The following FMNL2 variants were observed in gnomAD, a reference collection of about 807,000 sequenced individuals.
FMNL2 encodes formin like 2.
Under a neutral mutation model 130.2 loss-of-function variants are expected in FMNL2, and 51 were observed. The observed-to-expected ratio is 0.39, with a 90% CI of 0.31 to 0.49. FMNL2 has a LOEUF of 0.49. FMNL2 is among the 20% of genes least tolerant of loss of function. The probability of loss-of-function intolerance (pLI) is 0.85; values close to 1 mark genes in which losing one functional copy is unlikely to be tolerated. For missense variants in FMNL2, 977 were observed against 1,316.2 expected, an observed-to-expected ratio of 0.74 and a Z score of 3.99; for synonymous variants, 465 against 467.1, an observed-to-expected ratio of 1.00 and a Z score of 0.06.
At chr2:152,625,217 G>A (rs900172895) in intron 15 of FMNL2, 39 of 451,140 alleles carry the variant, frequency 8.6e-5, no homozygotes, top group East Asian at 1.2e-4. Flanking sequence ...CCCTTAAGAC[G>A]TCTTTTAATA....
intron 1 of FMNL2, among the ~76,000 whole-genome samples, chr2:152,443,311 C>A (rs1187899446): frequency 1.3e-5 from 2 of 152,034 alleles, no homozygotes; most frequent in Non-Finnish European, 1.5e-5. Context: ...GCCTTCACTT[C>A]AGTGGGGAGA....
chr2:152,478,429 G>T (rs1690290895), intron 1 of FMNL2, among the ~76,000 whole-genome samples: 1 of 151,564 alleles, frequency 6.6e-6, no homozygotes, highest in Non-Finnish European at 1.5e-5. Context: ...GTAGAGACGG[G>T]GTTTTACCAT....
chr2:152,488,186 G>A (rs1236267213), intron 1 of FMNL2, among the ~76,000 whole-genome samples: 1 of 152,198 alleles, frequency 6.6e-6, no homozygotes, highest in Non-Finnish European at 1.5e-5. Context: ...TGGGGTTTGT[G>A]ATTTATAGAT....
chr2:152,344,357 CTA>C (rs1411932071), intron 1 of FMNL2, among the ~76,000 whole-genome samples: 3 of 151,974 alleles, frequency 2.0e-5, no homozygotes, highest in East Asian at 3.9e-4. Context: ...GCCAATTTGC[CTA>C]TGAGTTAAAA....
At chr2:152,565,965 G>T (rs1433689092) in intron 6 of FMNL2, among the ~76,000 whole-genome samples, 1 of 152,112 alleles carries the variant, frequency 6.6e-6, no homozygotes, top group Non-Finnish European at 1.5e-5. Flanking sequence ...TTTTTCTGTA[G>T]AGAGACGGTC....
chr2:152,561,428 G>A (rs1359468436), intron 6 of FMNL2, among the ~76,000 whole-genome samples: 2 of 151,988 alleles, frequency 1.3e-5, no homozygotes, highest in East Asian at 1.9e-4. Context: ...TTGTCCTTCC[G>A]CTCTCTTTCA....
At chr2:152,461,463 A>G (rs895653053) in intron 1 of FMNL2, among the ~76,000 whole-genome samples, 2 of 152,204 alleles carry the variant, frequency 1.3e-5, no homozygotes, top group African/African-American at 4.8e-5. Context: ...ATCTGTATTT[A>G]GATTATAAAA....
chr2:152,547,226 A>G (rs745980710), intron 3 of FMNL2, among the ~76,000 whole-genome samples: 7 of 152,150 alleles, frequency 4.6e-5, no homozygotes, highest in Non-Finnish European at 8.8e-5. Flanking sequence ...TACAGGCGTG[A>G]GCCACTGAGC....
At chr2:152,490,393 A>G (rs1055358228) in intron 1 of FMNL2, among the ~76,000 whole-genome samples, 12 of 152,262 alleles carry the variant, frequency 7.9e-5, no homozygotes, top group African/African-American at 2.4e-4. Context: ...ATTCTCGGGC[A>G]GAGTCTGGGA....
At chr2:152,392,757 C>G (rs1388223115) in intron 1 of FMNL2, among the ~76,000 whole-genome samples, 1 of 152,226 alleles carries the variant, frequency 6.6e-6, no homozygotes, top group East Asian at 1.9e-4. Context: ...ATAACACCCC[C>G]TGTCACCTAT....
chr2:152,593,860 AGTGTGTGTGTGTGTGTGTGT>A (rs70974873), intron 9 of FMNL2, among the ~76,000 whole-genome samples: 1 of 113,294 alleles, frequency 8.8e-6, no homozygotes, highest in Non-Finnish European at 1.7e-5. Context: ...AGAGAGAGAG[AGTGTGTGTGTGTGTGTGTGT>A]GTGTGTGTGT....
At chr2:152,360,818 C>T (rs929392402) in intron 1 of FMNL2, among the ~76,000 whole-genome samples, 4 of 152,062 alleles carry the variant, frequency 2.6e-5, no homozygotes, top group Non-Finnish European at 5.9e-5. Context: ...TAATTAAATT[C>T]CAGAATTTAT....
chr2:152,355,112 T>C (rs977553085), intron 1 of FMNL2, among the ~76,000 whole-genome samples: 6 of 152,152 alleles, frequency 3.9e-5, no homozygotes, highest in African/African-American at 1.2e-4. Context: ...ACTCATTTCT[T>C]TTGGAGTATT....
intron 1 of FMNL2, among the ~76,000 whole-genome samples, chr2:152,492,167 AC>A (rs1691249613): frequency 6.6e-6 from 1 of 152,116 alleles, no homozygotes; most frequent in East Asian, 1.9e-4. Context: ...TGTTGAACTC[AC>A]GGTCATGGTA....
chr2:152,361,220 T>C (rs1189376880), intron 1 of FMNL2, among the ~76,000 whole-genome samples: 2 of 152,204 alleles, frequency 1.3e-5, no homozygotes, highest in Non-Finnish European at 2.9e-5. Flanking sequence ...GTTTTGCATA[T>C]GTTGTGAGAA....
intron 8 of FMNL2, 68 bp downstream of exon 8, chr2:152,579,032 A>C (rs1307122816): frequency 2.4e-6 from 3 of 1,255,394 alleles, no homozygotes; most frequent in African/African-American, 3.0e-5. Flanking sequence ...TCAACACTTA[A>C]CCAAGTTTGA....
intron 12 of FMNL2, 37 bp from the exon 13 acceptor site, chr2:152,617,054 C>A: frequency 6.3e-7 from 1 of 1,575,272 alleles, no homozygotes; most frequent in South Asian, 1.1e-5. Context: ...TCAAGATGAT[C>A]CTGTATTGTG....
Position 152,335,674 on chromosome 2 carries a change from C to A in FMNL2, c.71C>A (p.Pro24Gln), listed in dbSNP as rs759936663. 1.9e-6 allele frequency: 3 copies of A among 1,592,732 alleles called. No individual in the cohort carries two copies. The highest frequency in any genetic ancestry group is 2.6e-6 in the Non-Finnish European group (3 of 1,169,576). ...FRAHNVPLKL[P>Q]MPEPGELEER... ...GCGCACAACGTGCCTTTGAAGCTGCCGATGCCAGAGCCAGGTGAACTGGAG... is the reference window on the plus strand; with the variant it reads ...GCGCACAACGTGCCTTTGAAGCTGCAGATGCCAGAGCCAGGTGAACTGGAG... The change falls in exon 1 of 26, where the codon CCG becomes CAG. Residue 24 changes from proline (P) to glutamine (Q), a missense_variant. Coordinates refer to ENST00000288670, the MANE Select transcript of FMNL2 (RefSeq NM_052905.4).
chr2:152,511,333 C>T (rs1692487089), intron 1 of FMNL2, among the ~76,000 whole-genome samples: 1 of 152,122 alleles, frequency 6.6e-6, no homozygotes, highest in Non-Finnish European at 1.5e-5. Flanking sequence ...ATCATATCTG[C>T]AAATCACATT....
Sources: allele counts gnomAD v4.1 joint callset (sites outside exome capture counted in the v4.1 genomes callset), GRCh38; gene constraint gnomAD v4.1.1; transcripts MANE v1.5; gene names NCBI Gene and HGNC (gene_info 2026-07-23, HGNC 2026-07-21).